The following PPM1B variants were observed in gnomAD, a reference collection of about 807,000 sequenced individuals.
The protein encoded by PPM1B is protein phosphatase, Mg2+/Mn2+ dependent 1B.
PPM1B carries 22 observed loss-of-function variants against 43.0 expected under a neutral mutation model. The observed-to-expected ratio is 0.51, with a 90% CI of 0.37 to 0.73. The LOEUF is 0.73. PPM1B is among the 30% of genes least tolerant of loss of function. The pLI is 0.00. For synonymous variants in PPM1B, 217 were observed against 197.9 expected (o/e 1.10, Z -0.81); for missense variants, 632 against 584.2 (o/e 1.08, Z -0.84).
At chr2:44,233,411 A>G (rs568734995), downstream of PPM1B, 29 of 981,628 alleles carry the variant, frequency 3.0e-5, no homozygotes, top group South Asian at 7.5e-4. Context: ...GTTTAATTCT[A>G]TTTTTACAGT....
At chr2:44,212,189 T>C (rs1669503130) in intron 3 of PPM1B, among the ~76,000 whole-genome samples, 1 of 152,240 alleles carries the variant, frequency 6.6e-6, no homozygotes, top group African/African-American at 2.4e-5. Flanking sequence ...TGAGAGCCTC[T>C]TAAAACTTGT....
At chr2:44,242,859 C>T (rs1055765035) in intron 5 of PPM1B, among the ~76,000 whole-genome samples, 1 of 151,972 alleles carries the variant, frequency 6.6e-6, no homozygotes, top group Admixed American at 6.6e-5. Flanking sequence ...GGATTTTAAC[C>T]ATTATTCTGT....
chr2:44,216,578 A>T (rs1237202452), intron 3 of PPM1B, among the ~76,000 whole-genome samples: 1 of 152,200 alleles, frequency 6.6e-6, no homozygotes, highest in Non-Finnish European at 1.5e-5. Flanking sequence ...ACTCAGACTT[A>T]GGTCAGAGAA....
intron 1 of PPM1B, among the ~76,000 whole-genome samples, chr2:44,199,729 T>C (rs1156243205): frequency 6.6e-6 from 1 of 152,172 alleles, no homozygotes; most frequent in East Asian, 1.9e-4. Flanking sequence ...GAATGAAAAA[T>C]AATTTTTACA....
intron 5 of PPM1B, chr2:44,229,869 G>T (rs1048630598): frequency 3.6e-5 from 30 of 835,786 alleles, no homozygotes; most frequent in Non-Finnish European, 5.2e-5. Flanking sequence ...TTTTTATCTA[G>T]AGATGTTTTT....
intron 3 of PPM1B, among the ~76,000 whole-genome samples, chr2:44,210,721 GC>G (rs1250460543): frequency 6.6e-6 from 1 of 151,098 alleles, no homozygotes; most frequent in Non-Finnish European, 1.5e-5. Flanking sequence ...TTATTCCCCT[GC>G]CCCCCATATT....
intron 1 of PPM1B, among the ~76,000 whole-genome samples, chr2:44,192,190 G>GGTATGGTATT (rs1553329839): frequency 1.6e-4 from 23 of 143,542 alleles, no homozygotes; most frequent in Non-Finnish European, 2.4e-4. Context: ...GTTATGTTAT[G>GGTATGGTATT]GTATTGTATT....
chr2:44,236,420 A>AAAAAAAAAAAAAAAAAAAC, downstream of PPM1B, among the ~76,000 whole-genome samples: 1 of 148,514 alleles, frequency 6.7e-6, no homozygotes, highest in African/African-American at 2.5e-5. Context: ...AAAAAAAAAA[A>AAAAAAAAAAAAAAAAAAAC]AAAAAAAGTT....
chr2:44,185,553 C>T (rs1426331592), intron 1 of PPM1B, among the ~76,000 whole-genome samples: 1 of 152,010 alleles, frequency 6.6e-6, no homozygotes, highest in Non-Finnish European at 1.5e-5. Context: ...CACTGTTGTC[C>T]TGAGTTTGAA....
At chr2:44,192,254 G>C (rs1438862945) in intron 1 of PPM1B, among the ~76,000 whole-genome samples, 1 of 147,310 alleles carries the variant, frequency 6.8e-6, no homozygotes, top group Admixed American at 6.7e-5. Context: ...GTTTCGCTCT[G>C]TCGCCCAGGC....
chr2:44,229,708 G>C (rs17032050), intron 5 of PPM1B, among the ~76,000 whole-genome samples: 2 of 152,182 alleles, frequency 1.3e-5, no homozygotes, highest in South Asian at 2.1e-4. Context: ...ATTTTAGTCT[G>C]TCGGCTTAAC....
At chr2:44,194,476 C>T (rs1227898635) in intron 1 of PPM1B, among the ~76,000 whole-genome samples, 2 of 151,810 alleles carry the variant, frequency 1.3e-5, no homozygotes, top group East Asian at 3.9e-4. Flanking sequence ...GTAATCCCAG[C>T]ACTTTGGGAG....
intron 1 of PPM1B, among the ~76,000 whole-genome samples, chr2:44,178,256 T>A (rs367755458): frequency 5.3e-5 from 8 of 151,874 alleles, no homozygotes; most frequent in East Asian, 3.9e-4. Context: ...GGAAGGACAT[T>A]TGGATTATTT....
intron 3 of PPM1B, among the ~76,000 whole-genome samples, chr2:44,210,393 T>C (rs575338282): frequency 6.6e-6 from 1 of 152,136 alleles, no homozygotes; most frequent in East Asian, 1.9e-4. Flanking sequence ...TAGTTTTCTT[T>C]ATTTTTTGTA....
At chr2:44,233,283 C>G (rs1670521195), downstream of PPM1B, 1 of 907,110 alleles carries the variant, frequency 1.1e-6, no homozygotes, top group South Asian at 5.1e-5. Flanking sequence ...TTAAAATTAT[C>G]TATTTTAGAT....
At chr2:44,199,348 G>C (rs929180827) in intron 1 of PPM1B, among the ~76,000 whole-genome samples, 7 of 150,882 alleles carry the variant, frequency 4.6e-5, no homozygotes, top group African/African-American at 1.7e-4. Flanking sequence ...ATTGAGCCAG[G>C]TATGGTGGCA....
chr2:44,209,070 T>C, intron 2 of PPM1B, 140 bp from the exon 3 acceptor site: 1 of 732,886 alleles, frequency 1.4e-6, no homozygotes, highest in Admixed American at 3.4e-5. Context: ...TTTTTAGTAA[T>C]TCATTGGAAT....
intron 1 of PPM1B, among the ~76,000 whole-genome samples, chr2:44,170,752 A>C (rs1667297616): frequency 6.6e-6 from 1 of 152,246 alleles, no homozygotes. Flanking sequence ...AGTCTTTTCC[A>C]AGTGTACAGG....
In PPM1B at chr2:44,201,927, A is replaced by G; in HGVS notation, c.728A>G (p.Asp243Gly). 1 of 1,614,136 alleles carries G rather than the reference A, an allele frequency of 6.2e-7. No homozygotes were observed. The highest frequency in any genetic ancestry group is 8.5e-7 in the Non-Finnish European group (1 of 1,180,018). The change falls in exon 2 of 6, where the codon GAT becomes GGT. Residue 243 changes from aspartate to glycine, a missense_variant. By Grantham distance (94) the Asp-to-Gly change is moderately conservative (BLOSUM62 -1). Around this residue, in one of 3 missense-constraint regions of PPM1B, gnomAD observed 392 missense variants for 302.7 expected, o/e 1.29. Coordinates refer to ENST00000282412, the MANE Select transcript of PPM1B (RefSeq NM_002706.6). The surrounding 1 kb of genome is among the most constrained non-coding windows in gnomAD (Gnocchi z 5.4). ...GATGAATTTATCATCTTGGCTTGTG[A>G]TGGGATCTGGGATGTTATGAGTAAT... ...EEDEFIILAC[D>G]GIWDVMSNEE... is the part of the protein sequence containing the mutation.
Sources: gnomAD v4.1 joint callset for allele counts (sites outside exome capture counted in the v4.1 genomes callset) on GRCh38, gnomAD v4.1.1 for gene constraint, gnomAD v4.1.1 regional missense constraint, Gnocchi (gnomAD v3.1) non-coding constraint, MANE v1.5 for transcripts, NCBI Gene and HGNC (gene_info 2026-07-23, HGNC 2026-07-21) for gene names.